The following RNF213 variants were observed in gnomAD, a reference collection of about 807,000 sequenced individuals.
The protein encoded by RNF213 is ring finger protein 213.
RNF213 carries 341 observed loss-of-function variants against 514.4 expected under a neutral mutation model. The observed-to-expected ratio is 0.66, with a 90% CI of 0.61 to 0.73. The LOEUF (loss-of-function observed/expected upper bound fraction) is 0.73. Among genes scored for constraint, RNF213 ranks in the 30% least tolerant of loss-of-function variants. RNF213 has a pLI of 0.00. For synonymous variants in RNF213, 2,655 were observed against 2,658.2 expected (o/e 1.00, Z 0.04); for missense variants, 5,767 against 6,615.6 (o/e 0.87, Z 4.45).
intron 3 of RNF213, among the ~76,000 whole-genome samples, chr17:80,285,680 T>G (rs1054775875): frequency 4.6e-5 from 7 of 152,064 alleles, no homozygotes; most frequent in Non-Finnish European, 1.0e-4. Flanking sequence ...GTTGCTTTTT[T>G]TTTTTTGTGA....
rs943560139 is a variant in RNF213, at chr17:80,343,576, C to T, written c.6183+251C>T. 2.0e-5 allele frequency among the ~76,000 whole-genome samples: 3 copies of T among 152,180 alleles called. No individual in the cohort carries two copies. The highest frequency in any genetic ancestry group is 1.3e-4 in the Admixed American group (2 of 15,274). The stretch of plus-strand genomic sequence containing the variant: ...ACACAGGCTTTATGGTACACACTGT[C>T]GCTCCTAGGCCGCAAACCTGTGCTG... On this transcript the variant is annotated intron_variant, in intron 27 of 67. Transcript: ENST00000582970. This position sits in a 1 kb window ranked among gnomAD's most constrained non-coding sequence, Gnocchi z 4.3.
intron 44 of RNF213, among the ~76,000 whole-genome samples, chr17:80,368,984 T>C (rs1217010509): frequency 2.0e-5 from 3 of 152,222 alleles, no homozygotes; most frequent in Admixed American, 6.5e-5. Context: ...TTGAAGGGTA[T>C]TGTTGCCGGG....
intron 5 of RNF213, among the ~76,000 whole-genome samples, chr17:80,289,444 G>A (rs1260163540): frequency 4.6e-5 from 7 of 152,236 alleles, no homozygotes; most frequent in African/African-American, 1.7e-4. Context: ...ACAAAAATTA[G>A]CCAGCCGTGG....
chr17:80,332,303 A>C lies in RNF213; in HGVS notation c.3815A>C (p.Glu1272Ala), dbSNP rs2046438381. The C allele has an allele frequency of 6.5e-7, 1 of 1,537,192 alleles. No homozygotes were observed. Among genetic ancestry groups the C allele is most frequent in the African/African-American group, 1.4e-5 (1 of 73,158 alleles). Residue 1272 changes from glutamate (E) to alanine (A), a missense_variant, in exon 21 of 68, where the codon GAA becomes GCA. Glu to Ala is a moderately radical substitution (Grantham distance 107, BLOSUM62 -1). Around this residue, in one of 13 missense-constraint regions of RNF213, gnomAD observed 516 missense variants for 566.5 expected, o/e 0.91. Transcript: ENST00000582970. Reference sequence around the variant, plus strand: ...TCAGAAAGGCACATCCTTGAGCTTGAAGAGGTGTATGACTATTTGTATCAG... The same window carrying C: ...TCAGAAAGGCACATCCTTGAGCTTGCAGAGGTGTATGACTATTTGTATCAG... ...EESERHILEL[E>A]EVYDYLYQPS...
intron 22 of RNF213, 75 bp downstream of exon 22, chr17:80,334,345 C>G: frequency 6.9e-7 from 1 of 1,443,470 alleles, no homozygotes; most frequent in Non-Finnish European, 9.1e-7. Flanking sequence ...CGTTCCTAAA[C>G]TCTTTGGCAA....
intron 11 of RNF213, among the ~76,000 whole-genome samples, chr17:80,305,498 A>G (rs1029979383): frequency 1.3e-5 from 2 of 151,588 alleles, no homozygotes; most frequent in East Asian, 3.9e-4. Context: ...ACTATTTTTT[A>G]ATATTACTGC....
rs1052505362 is a variant in RNF213 at position 80,375,362 on chromosome 17, A to C, written c.13075-398A>C. On this transcript the variant is annotated intron_variant, in intron 50 of 67. Coordinates refer to ENST00000582970, the MANE Select transcript of RNF213 (RefSeq NM_001256071.3). Reference sequence around the variant, plus strand: ...TGGGTTGAGGGCTGAGGCATGTGAAAAGTTTCTTTTCACATGCAAACTTCG... The same window carrying C: ...TGGGTTGAGGGCTGAGGCATGTGAACAGTTTCTTTTCACATGCAAACTTCG... 2.6e-5 allele frequency among the ~76,000 whole-genome samples: 4 copies of C among 152,128 alleles called. No homozygotes were observed. In the East Asian group the frequency reaches 5.8e-4, roughly 22 times the overall value.
rs1377050706 is a variant in RNF213 at position 80,376,540 on chromosome 17, G to A, written c.13425G>A (p.Met4475Ile). The A allele has an allele frequency of 6.2e-7, 1 of 1,613,888 alleles. No homozygotes were observed. The highest frequency in any genetic ancestry group is 8.5e-7 in the Non-Finnish European group (1 of 1,180,038). The change falls in exon 52 of 68, where the codon ATG becomes ATA. Residue 4475 changes from methionine to isoleucine, a missense_variant. By Grantham distance (10) the Met-to-Ile change is conservative. Coordinates refer to ENST00000582970, the MANE Select transcript of RNF213 (RefSeq NM_001256071.3). Reference protein sequence around the residue: ...LKNLAFSPATMAHAFLPTMPE... With the variant: ...LKNLAFSPATIAHAFLPTMPE... ...ATCTGGCCTTCTCCCCAGCCACCATGGCGGTAAGAGTAGGCCACAATTCCA... is the reference window on the plus strand; with the variant it reads ...ATCTGGCCTTCTCCCCAGCCACCATAGCGGTAAGAGTAGGCCACAATTCCA...
intron 1 of RNF213, among the ~76,000 whole-genome samples, chr17:80,261,506 G>A (rs570770787): frequency 8.8e-4 from 134 of 152,334 alleles, no homozygotes; most frequent in Admixed American, 2.2e-3. Context: ...AGTCCAGGGC[G>A]GGAGGGGAAG....
At position 80,343,393 on chromosome 17, in the gene RNF213, C is replaced by A; in HGVS notation, c.6183+68C>A. 7.5e-7 allele frequency: 1 copy of A among 1,330,692 alleles called. No homozygotes were observed. The highest frequency in any genetic ancestry group is 1.1e-6 in the Non-Finnish European group (1 of 940,858). The allele number at this position is 1,330,692 out of a possible 1,614,324, so 82.4% of individuals were successfully genotyped here. On this transcript the variant is annotated intron_variant, in intron 27 of 67. Transcript: ENST00000582970. This position sits in a 1 kb window ranked among gnomAD's most constrained non-coding sequence, Gnocchi z 4.3. ...ACGTGGTCCCCATGTCTCTGCGTGACTCCTCCCCGTGTATAGAATTCCTTG... is the reference window on the plus strand; with the variant it reads ...ACGTGGTCCCCATGTCTCTGCGTGAATCCTCCCCGTGTATAGAATTCCTTG...
Position 80,376,295 on chromosome 17 carries a change from T to C in RNF213, c.13186-6T>C. The C allele has an allele frequency of 1.9e-6, 3 of 1,614,222 alleles. No homozygotes were observed. The highest frequency in any genetic ancestry group is 2.5e-6 in the Non-Finnish European group (3 of 1,180,032). The stretch of plus-strand genomic sequence containing the variant: ...ACATCTTAATGTTAAGTTTTTTTCC[T>C]GTCAGCAATGTGAAGCTGTGAGCAA... On this transcript the variant is annotated splice_region_variant and splice_polypyrimidine_tract_variant and intron_variant, in intron 51 of 67. Transcript: ENST00000582970.
In RNF213 at chr17:80,319,735, A is replaced by G. The variant is rs1332659873; in HGVS notation, c.3024+423A>G. ...CAAAATATGTGAAATGGAAAATTGT[A>G]TCAATTTATTTAGCTCTTTTCGGCA... On this transcript the variant is annotated intron_variant, in intron 17 of 67. Coordinates refer to ENST00000582970, the MANE Select transcript of RNF213 (RefSeq NM_001256071.3). The G allele has an allele frequency of 1.0e-5, 14 of 1,389,386 alleles. No individual in the cohort carries two copies. In the African/African-American group the frequency reaches 1.6e-4, roughly 16 times the overall value. The allele number at this position is 1,389,386 out of a possible 1,614,324, so 86.1% of individuals were successfully genotyped here. A position where few individuals can be genotyped will look rare whatever the true frequency, so the allele number is the denominator to read the frequency against.
chr17:80,297,013 C>T lies in RNF213; in HGVS notation c.2012+1200C>T, dbSNP rs112831272. Among the ~76,000 whole-genome samples the T allele has an allele frequency of 2.3e-4, 35 of 151,886 alleles. No homozygotes were observed. In the East Asian group the frequency reaches 5.0e-3, roughly 22 times the overall value. On this transcript the variant is annotated intron_variant, in intron 10 of 67. Coordinates refer to ENST00000582970, the MANE Select transcript of RNF213 (RefSeq NM_001256071.3). ...AAATAAAAAACAACCAAATAAACGC[C>T]GCACATTTTGACAAAGAGGAGGAGT...
chr17:80,263,729 G>A lies in RNF213; in HGVS notation c.48G>A (p.Lys16=), dbSNP rs2043506647. The change falls in exon 2 of 68, where the codon AAG becomes AAA. Residue 16 remains lysine (K), a synonymous_variant. Transcript: ENST00000582970. This position sits in a 1 kb window ranked among gnomAD's most constrained non-coding sequence, Gnocchi z 4.9. ...ATGTCTCCAAGGAGGAAACCCCCAA[G>A]TTCTGCAGCCAGTGCGGAGAGAGGC... ...CQHVSKEETP[K]FCSQCGERLP... 1 of 1,614,164 alleles carries A rather than the reference G, an allele frequency of 6.2e-7. No homozygotes were observed. The highest frequency in any genetic ancestry group is 8.5e-7 in the Non-Finnish European group (1 of 1,180,024).
In RNF213 at chr17:80,346,414, C is replaced by G; in HGVS notation, c.8079C>G (p.Tyr2693Ter). The change falls in exon 29 of 68, where the codon TAC becomes TAG. Residue 2693 changes from tyrosine to a stop codon, truncating the protein, a stop_gained. Coordinates refer to ENST00000582970, the MANE Select transcript of RNF213 (RefSeq NM_001256071.3). LOFTEE classifies it high-confidence loss of function. This position sits in a 1 kb window ranked among gnomAD's most constrained non-coding sequence, Gnocchi z 8.1. ...TGATGCTGGCCATCGGGGTGTGTTACCATGCCTCTTTAGAAAAGAAAGACT... is the reference window on the plus strand; with the variant it reads ...TGATGCTGGCCATCGGGGTGTGTTAGCATGCCTCTTTAGAAAAGAAAGACT... Reference protein sequence around the residue: ...WSLMLAIGVCYHASLEKKDSY... With the variant: ...WSLMLAIGVC The G allele has an allele frequency of 6.2e-7, 1 of 1,613,472 alleles. No homozygotes were observed. Among genetic ancestry groups the G allele is most frequent in the Non-Finnish European group, 8.5e-7 (1 of 1,180,004 alleles).
At chr17:80,292,140 A>C (rs1181566371) in intron 8 of RNF213, 1 of 416,342 alleles carries the variant, frequency 2.4e-6, no homozygotes, top group East Asian at 5.2e-5. Flanking sequence ...GCTGGAGTAC[A>C]GTGGTGCGAT....
chr17:80,393,733 G>A lies in RNF213; in HGVS notation c.*235G>A, dbSNP rs2080575916. 2.0e-6 allele frequency: 1 copy of A among 508,202 alleles called. No homozygotes were observed. The highest frequency in any genetic ancestry group is 3.6e-6 in the Non-Finnish European group (1 of 278,698). 31.5% of individuals were successfully genotyped at this position (508,202 alleles called of 1,614,324 possible). A position where few individuals can be genotyped will look rare whatever the true frequency, so the allele number is the denominator to read the frequency against. ...ACTTTCTCATCATTTTATGAGTACTGTTCATTGAGAGATGACAATGAAGAT... is the reference window on the plus strand; with the variant it reads ...ACTTTCTCATCATTTTATGAGTACTATTCATTGAGAGATGACAATGAAGAT... On this transcript the variant is annotated 3_prime_UTR_variant, in exon 68 of 68. Transcript: ENST00000582970.
At chr17:80,374,264 C>T (rs561120492) in intron 49 of RNF213, among the ~76,000 whole-genome samples, 194 bp from the exon 50 acceptor site, 3 of 152,362 alleles carry the variant, frequency 2.0e-5, no homozygotes, top group East Asian at 1.9e-4. Flanking sequence ...GCACTTGCAC[C>T]TCTTCGTCTA....
Position 80,377,863 on chromosome 17 carries a change from C to A in RNF213, c.13545+67C>A. ...CACTCCTGGGTTGGAGGAGGGGGATCGTGGGTCAGGAGAGTGAGGCTCTCG... is the reference window on the plus strand; with the variant it reads ...CACTCCTGGGTTGGAGGAGGGGGATAGTGGGTCAGGAGAGTGAGGCTCTCG... On this transcript the variant is annotated intron_variant, in intron 54 of 67. Coordinates refer to ENST00000582970, the MANE Select transcript of RNF213 (RefSeq NM_001256071.3). This position sits in a 1 kb window ranked among gnomAD's most constrained non-coding sequence, Gnocchi z 4.1. 1 of 1,567,786 alleles carries A rather than the reference C, an allele frequency of 6.4e-7. No individual in the cohort carries two copies. The highest frequency in any genetic ancestry group is 8.8e-7 in the Non-Finnish European group (1 of 1,138,252).
Sources: gnomAD v4.1 joint callset for allele counts (sites outside exome capture counted in the v4.1 genomes callset) on GRCh38, gnomAD v4.1.1 for gene constraint, gnomAD v4.1.1 regional missense constraint, Gnocchi (gnomAD v3.1) non-coding constraint, MANE v1.5 for transcripts, NCBI Gene and HGNC (gene_info 2026-07-23, HGNC 2026-07-21) for gene names.